Variants in VAV2 observed in about 807,000 individuals in gnomAD.
VAV2 encodes the protein vav guanine nucleotide exchange factor 2.
VAV2 carries 67 observed loss-of-function variants against 132.5 expected under a neutral mutation model. That is an observed-to-expected ratio of 0.51 (90% CI 0.42 to 0.62). The LOEUF is 0.62. Among genes scored for constraint, VAV2 ranks in the 20% least tolerant of loss-of-function variants. The pLI is 0.00. For missense variants in VAV2, 938 were observed against 1,153.6 expected, an observed-to-expected ratio of 0.81 and a Z score of 2.71; for synonymous variants, 492 against 443.5, an observed-to-expected ratio of 1.11 and a Z score of -1.37.
chr9:133,908,651 G>A (rs1839764054), intron 2 of VAV2, among the ~76,000 whole-genome samples: 1 of 152,246 alleles, frequency 6.6e-6, no homozygotes, highest in African/African-American at 2.4e-5. Context: ...GGCCCAGGAA[G>A]ACTCAGGGAG....
chr9:133,879,588 G>C lies in VAV2; in HGVS notation c.322-18156C>G, dbSNP rs1357403189. Among the ~76,000 whole-genome samples the C allele has an allele frequency of 1.3e-5, 2 of 152,116 alleles. No homozygotes were observed. Among genetic ancestry groups the C allele is most frequent in the African/African-American group, 4.8e-5 (2 of 41,416 alleles). On this transcript the variant is annotated intron_variant, in intron 2 of 29. Transcript: ENST00000371850. This position sits in a 1 kb window ranked among gnomAD's most constrained non-coding sequence, Gnocchi z 4.4. ...GCACCTGACATTACAGACCCACAGG[G>C]CAACCAAGTGCACATCTGAGTCCTC... is the stretch of plus-strand genomic sequence containing the variant.
chr9:133,990,025 C>CA (rs1842968235), intron 1 of VAV2, among the ~76,000 whole-genome samples: 1 of 152,236 alleles, frequency 6.6e-6, no homozygotes, highest in Non-Finnish European at 1.5e-5. Flanking sequence ...CTGCCCTTAG[C>CA]AAATCCTCAC....
intron 4 of VAV2, among the ~76,000 whole-genome samples, chr9:133,818,503 C>G (rs1171168825): frequency 6.6e-6 from 1 of 152,172 alleles, no homozygotes; most frequent in Non-Finnish European, 1.5e-5. Flanking sequence ...ACCTGCCCAT[C>G]CCACACCAGG....
chr9:133,832,737 T>TTA (rs917494808), intron 4 of VAV2, among the ~76,000 whole-genome samples: 5 of 152,084 alleles, frequency 3.3e-5, no homozygotes, highest in African/African-American at 1.2e-4. Context: ...TTTTGTATTT[T>TTA]TAGTAGAGAC....
intron 12 of VAV2, among the ~76,000 whole-genome samples, 184 bp from the exon 13 acceptor site, chr9:133,792,053 C>T (rs55765064): frequency 6.8e-5 from 9 of 131,784 alleles, no homozygotes; most frequent in Non-Finnish European, 4.7e-5. Context: ...CATGTGTGAG[C>T]GGACTGTGCT....
chr9:133,927,130 G>T (rs1312014067), intron 2 of VAV2, among the ~76,000 whole-genome samples: 3 of 152,042 alleles, frequency 2.0e-5, no homozygotes, highest in Admixed American at 6.5e-5. Flanking sequence ...AACAAGGCAG[G>T]CTTCTGGAAA....
chr9:133,852,000 CATGG>C (rs2131840997), intron 3 of VAV2, among the ~76,000 whole-genome samples: 1 of 146,760 alleles, frequency 6.8e-6, no homozygotes, highest in Admixed American at 6.7e-5. Flanking sequence ...CAGATGGATA[CATGG>C]ATGGATGGAT....
chr9:133,783,193 G>A (rs760462004), intron 19 of VAV2, among the ~76,000 whole-genome samples: 15 of 152,174 alleles, frequency 9.9e-5, no homozygotes, highest in African/African-American at 3.6e-4. Context: ...GTTCTGTGCC[G>A]TGTTTGGGGG....
intron 2 of VAV2, among the ~76,000 whole-genome samples, chr9:133,878,078 C>T (rs1838334501): frequency 1.3e-5 from 2 of 152,188 alleles, no homozygotes; most frequent in African/African-American, 4.8e-5. Context: ...GTGGGGCCCA[C>T]CCAGGCCCTT....
rs540650041 is a variant in VAV2 at position 133,795,415 on chromosome 9, G to A, written c.1101+253C>T. Among the ~76,000 whole-genome samples the A allele has an allele frequency of 7.4e-4, 113 of 152,248 alleles. 1 individual carries two copies. Among genetic ancestry groups the A allele is most frequent in the African/African-American group, 2.5e-3 (105 of 41,540 alleles). The stretch of plus-strand genomic sequence containing the variant: ...AAAGCAGGGGGAGGGGAGGCTCAAG[G>A]GAGGTCTTGTTGGACAGGTGAGGTT... On this transcript the variant is annotated intron_variant, in intron 12 of 29. Transcript: ENST00000371850.
chr9:133,783,347 C>T (rs1032399989), intron 19 of VAV2, among the ~76,000 whole-genome samples, 156 bp downstream of exon 19: 1 of 152,058 alleles, frequency 6.6e-6, no homozygotes, highest in African/African-American at 2.4e-5. Flanking sequence ...GTGCGGCAGG[C>T]GTCTGGTGTC....
At chr9:133,774,651 A>C (rs983657352) in intron 25 of VAV2, among the ~76,000 whole-genome samples, 24 of 152,170 alleles carry the variant, frequency 1.6e-4, no homozygotes, top group African/African-American at 5.8e-4. Flanking sequence ...ACCTGAGCTT[A>C]TCTGGTTCCC....
intron 18 of VAV2, 84 bp from the exon 19 acceptor site, chr9:133,783,675 A>C: frequency 8.2e-7 from 1 of 1,218,728 alleles, no homozygotes; most frequent in Non-Finnish European, 1.2e-6. Flanking sequence ...CCTTGTCCCC[A>C]CCCAGGCTCA....
chr9:133,892,582 G>A (rs547818031), intron 2 of VAV2, among the ~76,000 whole-genome samples: 5 of 152,014 alleles, frequency 3.3e-5, no homozygotes, highest in Admixed American at 1.3e-4. Flanking sequence ...AAGGGCAGCC[G>A]AGCACCTAAC....
chr9:133,788,568 G>T lies in VAV2; in HGVS notation c.1275-82C>A. On this transcript the variant is annotated intron_variant, in intron 14 of 29. Coordinates refer to ENST00000371850, the MANE Select transcript of VAV2 (RefSeq NM_001134398.2). The surrounding 1 kb of genome is among the most constrained non-coding windows in gnomAD (Gnocchi z 5.3). ...AGGAGGCGGCAGGAGCTGAGCCTGA[G>T]GCTCTGGCACGCGGCTCCCTCTCCG... The T allele has an allele frequency of 6.5e-7, 1 of 1,550,018 alleles. No individual in the cohort carries two copies. The highest frequency in any genetic ancestry group is 8.8e-7 in the Non-Finnish European group (1 of 1,138,968).
chr9:133,813,794 C>T (rs1226670210), intron 4 of VAV2, among the ~76,000 whole-genome samples: 3 of 152,220 alleles, frequency 2.0e-5, no homozygotes, highest in Admixed American at 2.0e-4. Context: ...CCAGACTGAT[C>T]GAACCCTCCA....
intron 2 of VAV2, among the ~76,000 whole-genome samples, chr9:133,887,141 G>A (rs1838744164): frequency 1.3e-5 from 2 of 152,182 alleles, no homozygotes; most frequent in Non-Finnish European, 1.5e-5. Context: ...TTTGGGGCAG[G>A]GTGAGGTAGG....
intron 1 of VAV2, among the ~76,000 whole-genome samples, chr9:133,988,115 G>A (rs1433994660): frequency 1.3e-5 from 2 of 152,218 alleles, no homozygotes; most frequent in African/African-American, 2.4e-5. Flanking sequence ...GAACATCATA[G>A]AGGCCTCCGG....
At chr9:133,980,219 G>C (rs1313809769) in intron 1 of VAV2, among the ~76,000 whole-genome samples, 1 of 152,190 alleles carries the variant, frequency 6.6e-6, no homozygotes, top group Non-Finnish European at 1.5e-5. Context: ...GTGGAGGGGG[G>C]AAGTGAATGG....
Sources: allele counts gnomAD v4.1 joint callset (sites outside exome capture counted in the v4.1 genomes callset), GRCh38; gene constraint gnomAD v4.1.1; non-coding constraint Gnocchi (gnomAD v3.1); transcripts MANE v1.5; gene names NCBI Gene and HGNC (gene_info 2026-07-23, HGNC 2026-07-21).